Variants in ACYP2 observed in about 807,000 individuals in gnomAD.
ACYP2 encodes the protein acylphosphatase 2.
ACYP2 carries 12 observed loss-of-function variants against 11.2 expected under a neutral mutation model. That is an observed-to-expected ratio of 1.08 (90% CI 0.69 to 1.74). The LOEUF is 1.74. ACYP2 is among the 40% of genes most tolerant of loss of function. The pLI, the probability that ACYP2 is intolerant of heterozygous loss-of-function variation, is 0.00. For synonymous variants in ACYP2, 43 were observed against 32.2 expected (o/e 1.33, Z -1.13); for missense variants, 134 against 101.9 (o/e 1.31, Z -1.35).
chr2:54,278,070 C>T (rs559759763), intron 6 of ACYP2, among the ~76,000 whole-genome samples: 1 of 152,306 alleles, frequency 6.6e-6, no homozygotes, highest in South Asian at 2.1e-4. Flanking sequence ...CTCTGCCTCC[C>T]AGGTTCATGC....
chr2:54,267,371 A>G, intron 6 of ACYP2: 6 of 1,542,934 alleles, frequency 3.9e-6, no homozygotes, highest in Non-Finnish European at 5.2e-6. Context: ...TTCAGGTGAG[A>G]GGTTTCTACT....
chr2:54,197,281 C>G (rs1326617598), intron 6 of ACYP2, among the ~76,000 whole-genome samples: 2 of 152,154 alleles, frequency 1.3e-5, no homozygotes, highest in Non-Finnish European at 2.9e-5. Context: ...TCTGAGGACT[C>G]TGAGGAACAG....
intron 6 of ACYP2, among the ~76,000 whole-genome samples, chr2:54,202,559 C>A (rs540900769): frequency 2.6e-5 from 4 of 151,302 alleles, no homozygotes; most frequent in Non-Finnish European, 5.9e-5. Context: ...TGGTGCCCAC[C>A]AATACGCCTG....
At chr2:54,238,044 T>C (rs1686571861) in intron 6 of ACYP2, among the ~76,000 whole-genome samples, 1 of 152,172 alleles carries the variant, frequency 6.6e-6, no homozygotes, top group South Asian at 2.1e-4. Context: ...GAACACTGTT[T>C]TCAAGATATG....
chr2:53,971,167 C>T lies in ACYP2; in HGVS notation c.-191C>T, dbSNP rs974711508. 5.3e-5 allele frequency: 10 copies of T among 188,254 alleles called. No homozygotes were observed. Among genetic ancestry groups the T allele is most frequent in the African/African-American group, 1.2e-4 (5 of 42,724 alleles). 11.7% of individuals were successfully genotyped at this position (188,254 alleles called of 1,614,324 possible). A position where few individuals can be genotyped will look rare whatever the true frequency, so the allele number is the denominator to read the frequency against. On this transcript the variant is annotated 5_prime_UTR_variant, in exon 1 of 7. Coordinates refer to ENST00000607452, the MANE Select transcript of ACYP2 (RefSeq NM_001320586.2). Reference sequence around the variant, plus strand: ...CGCCTTCTTCGCCGTGGGCCCGGCTCGGAGCCCCCACCCCAGGCCTCACCG... The same window carrying T: ...CGCCTTCTTCGCCGTGGGCCCGGCTTGGAGCCCCCACCCCAGGCCTCACCG...
intron 6 of ACYP2, among the ~76,000 whole-genome samples, chr2:54,169,164 G>A: frequency 6.6e-6 from 1 of 152,140 alleles, no homozygotes; most frequent in East Asian, 1.9e-4. Context: ...GCCTTTTTCT[G>A]ATGACTCCAG....
intron 6 of ACYP2, among the ~76,000 whole-genome samples, chr2:54,298,235 G>A (rs1255107229): frequency 6.6e-6 from 1 of 152,180 alleles, no homozygotes; most frequent in Non-Finnish European, 1.5e-5. Flanking sequence ...TTTGGAATCT[G>A]TAGAAAAGGA....
chr2:54,174,520 T>C (rs543453609), intron 6 of ACYP2, among the ~76,000 whole-genome samples: 1 of 152,294 alleles, frequency 6.6e-6, no homozygotes, highest in Admixed American at 6.5e-5. Flanking sequence ...CTTTATTTCT[T>C]TTTCTTGCCT....
At chr2:54,280,666 C>A (rs1175086624) in intron 6 of ACYP2, among the ~76,000 whole-genome samples, 2 of 152,178 alleles carry the variant, frequency 1.3e-5, no homozygotes, top group Non-Finnish European at 2.9e-5. Context: ...GATGGCAAAA[C>A]AATATATGCC....
intron 6 of ACYP2, among the ~76,000 whole-genome samples, chr2:54,178,159 A>T (rs961672090): frequency 5.1e-4 from 77 of 152,226 alleles, no homozygotes; most frequent in African/African-American, 1.6e-3. Context: ...CTTCTAAAAC[A>T]TGATTTTTAT....
intron 6 of ACYP2, among the ~76,000 whole-genome samples, chr2:54,217,864 C>G (rs1185409334): frequency 6.6e-6 from 1 of 152,082 alleles, no homozygotes; most frequent in Non-Finnish European, 1.5e-5. Flanking sequence ...TTGAAAAAAG[C>G]TAGTTTTTTG....
intron 6 of ACYP2, among the ~76,000 whole-genome samples, chr2:54,300,815 C>A (rs1329222642): frequency 2.0e-5 from 3 of 152,218 alleles, no homozygotes. Flanking sequence ...ACTCCCATTA[C>A]CAATGTAGAA....
chr2:54,244,076 G>A (rs698754), intron 6 of ACYP2, among the ~76,000 whole-genome samples: 1 of 151,878 alleles, frequency 6.6e-6, no homozygotes, highest in Non-Finnish European at 1.5e-5. Flanking sequence ...TACTCCTTTA[G>A]AATTTACCTG....
chr2:54,238,651 A>G (rs1686603560), intron 6 of ACYP2, among the ~76,000 whole-genome samples: 1 of 152,130 alleles, frequency 6.6e-6, no homozygotes, highest in South Asian at 2.1e-4. Flanking sequence ...CATTTAGTTT[A>G]GGCATATGGT....
At chr2:54,128,758 AT>A (rs558759644) in intron 4 of ACYP2, among the ~76,000 whole-genome samples, 16 of 148,518 alleles carry the variant, frequency 1.1e-4, no homozygotes, top group Non-Finnish European at 1.8e-4. Context: ...CAAAGGAAGG[AT>A]TTTTTTTTTA....
At chr2:54,104,855 T>C (rs1224547705) in intron 4 of ACYP2, among the ~76,000 whole-genome samples, 2 of 152,098 alleles carry the variant, frequency 1.3e-5, no homozygotes, top group Non-Finnish European at 2.9e-5. Context: ...AATGTGCAAC[T>C]AGACAAAAAA....
At chr2:54,144,910 G>C (rs146269260) in intron 6 of ACYP2, among the ~76,000 whole-genome samples, 25 of 151,858 alleles carry the variant, frequency 1.6e-4, no homozygotes, top group Non-Finnish European at 2.2e-4. Flanking sequence ...TTCTTTCTTT[G>C]TTTGTTGCTC....
At chr2:54,045,561 A>T (rs989839614) in intron 2 of ACYP2, among the ~76,000 whole-genome samples, 11 of 152,178 alleles carry the variant, frequency 7.2e-5, no homozygotes, top group Non-Finnish European at 1.3e-4. Context: ...TCACACCTGT[A>T]ATCCCAGCAC....
intron 6 of ACYP2, among the ~76,000 whole-genome samples, chr2:54,217,984 C>T (rs1332671262): frequency 1.3e-5 from 2 of 152,194 alleles, no homozygotes; most frequent in African/African-American, 2.4e-5. Context: ...CATTATGCTA[C>T]TCCAAAACCT....
Sources: gnomAD v4.1 joint callset for allele counts (sites outside exome capture counted in the v4.1 genomes callset) on GRCh38, gnomAD v4.1.1 for gene constraint, MANE v1.5 for transcripts, NCBI Gene and HGNC (gene_info 2026-07-23, HGNC 2026-07-21) for gene names.